The following CNBD1 variants were observed in gnomAD, a reference collection of about 807,000 sequenced individuals.
CNBD1 encodes the protein cyclic nucleotide-binding domain-containing protein 1.
A neutral mutation model predicts 54.4 loss-of-function variants in CNBD1; 71 were observed. That is an observed-to-expected ratio of 1.30 (90% CI 1.08 to 1.59). The LOEUF (loss-of-function observed/expected upper bound fraction) is 1.59. Among genes scored for constraint, CNBD1 ranks in the 40% most tolerant of loss-of-function variants. The pLI, the probability that CNBD1 is intolerant of heterozygous loss-of-function variation, is 0.00. For missense variants in CNBD1, 659 were observed against 518.0 expected, an observed-to-expected ratio of 1.27 and a Z score of -2.64; for synonymous variants, 182 against 170.7, an observed-to-expected ratio of 1.07 and a Z score of -0.51.
intron 4 of CNBD1, among the ~76,000 whole-genome samples, chr8:87,104,999 T>G (rs761973495): frequency 4.6e-5 from 7 of 152,186 alleles, no homozygotes; most frequent in Non-Finnish European, 7.3e-5. Context: ...TTTATATAGT[T>G]TTTTATGTTA....
At chr8:87,305,018 C>T (rs553241590) in intron 8 of CNBD1, among the ~76,000 whole-genome samples, 7 of 152,186 alleles carry the variant, frequency 4.6e-5, no homozygotes, top group African/African-American at 1.4e-4. Flanking sequence ...CCTAAGGATT[C>T]CTCCAGAAAG....
intron 8 of CNBD1, among the ~76,000 whole-genome samples, chr8:87,297,723 T>C (rs1444695708): frequency 4.0e-5 from 6 of 151,154 alleles, no homozygotes. Context: ...GTGTGTGTGA[T>C]TATCTCAAGA....
chr8:87,399,699 A>G (rs1490221165), intron 2 of CNBD1, among the ~76,000 whole-genome samples: 1 of 151,984 alleles, frequency 6.6e-6, no homozygotes, highest in Non-Finnish European at 1.5e-5. Flanking sequence ...GGCATCCCTG[A>G]CCAGTGAACC....
At chr8:87,256,015 A>ATATTTTT (rs1563526157) in intron 6 of CNBD1, among the ~76,000 whole-genome samples, 1 of 15,786 alleles carries the variant, frequency 6.3e-5, no homozygotes, top group African/African-American at 2.8e-4. Context: ...ATATATATAT[A>ATATTTTT]TTTTTTTTTT....
chr8:87,414,563 G>A (rs192088460), intron 2 of CNBD1, among the ~76,000 whole-genome samples: 3 of 151,800 alleles, frequency 2.0e-5, no homozygotes, highest in Admixed American at 1.3e-4. Context: ...GGATATATGT[G>A]GGTGGAAGGT....
At chr8:87,206,873 TCTTG>T (rs1170441442) in intron 5 of CNBD1, among the ~76,000 whole-genome samples, 1 of 152,202 alleles carries the variant, frequency 6.6e-6, no homozygotes. Flanking sequence ...CACAGAGCAT[TCTTG>T]CTTAGAATCG....
chr8:86,900,812 A>G (rs1211600292), intron 2 of CNBD1, among the ~76,000 whole-genome samples: 1 of 152,168 alleles, frequency 6.6e-6, no homozygotes, highest in Non-Finnish European at 1.5e-5. Context: ...TTTATGACTG[A>G]TCAATATCTC....
At chr8:87,248,264 A>T (rs34574993) in intron 6 of CNBD1, among the ~76,000 whole-genome samples, 2,166 of 152,280 alleles carry the variant, frequency 0.014, 29 homozygotes, top group Middle Eastern at 0.044. Flanking sequence ...TATTTCATCA[A>T]TTCATCTGGT....
At chr8:87,285,564 C>A (rs948703943) in intron 7 of CNBD1, among the ~76,000 whole-genome samples, 1 of 152,038 alleles carries the variant, frequency 6.6e-6, no homozygotes, top group Non-Finnish European at 1.5e-5. Flanking sequence ...TGGAGAAACC[C>A]CTTCTCTACT....
chr8:86,915,144 T>G (rs1378714180), intron 3 of CNBD1, among the ~76,000 whole-genome samples: 1 of 152,174 alleles, frequency 6.6e-6, no homozygotes, highest in Non-Finnish European at 1.5e-5. Context: ...TGCTTGCTAC[T>G]GATTGATTGT....
intron 4 of CNBD1, among the ~76,000 whole-genome samples, chr8:87,043,392 G>A (rs545083288): frequency 1.1e-4 from 16 of 152,126 alleles, no homozygotes; most frequent in African/African-American, 3.9e-4. Flanking sequence ...AATAATTTTG[G>A]TTGTATTAAT....
intron 4 of CNBD1, among the ~76,000 whole-genome samples, chr8:87,155,396 A>G (rs561344665): frequency 6.6e-6 from 1 of 152,206 alleles, no homozygotes; most frequent in African/African-American, 2.4e-5. Flanking sequence ...TAAAGGAGGA[A>G]TAAATAGAGT....
At chr8:87,000,259 T>G (rs1808965120) in intron 4 of CNBD1, among the ~76,000 whole-genome samples, 1 of 152,136 alleles carries the variant, frequency 6.6e-6, no homozygotes, top group South Asian at 2.1e-4. Context: ...TAAGGCAATT[T>G]TCCCTGTTCT....
In CNBD1 at chr8:87,330,237, T is replaced by G. The variant is rs1809795260; in HGVS notation, c.1043-21448T>G. Among the ~76,000 whole-genome samples, 2 of 151,486 alleles carry G rather than the reference T, an allele frequency of 1.3e-5. 1 individual carries two copies. Among genetic ancestry groups the G allele is most frequent in the Non-Finnish European group, 2.9e-5 (2 of 67,810 alleles). ...TAATTTGTGTTCCTTCTCTCTTTTT[T>G]TTTTTTTCAGTTAGCCTGGTTAGAG... On this transcript the variant is annotated intron_variant, in intron 8 of 10. Coordinates refer to ENST00000518476, the MANE Select transcript of CNBD1 (RefSeq NM_173538.3).
At chr8:86,989,780 T>A (rs969848094) in intron 4 of CNBD1, among the ~76,000 whole-genome samples, 7 of 152,164 alleles carry the variant, frequency 4.6e-5, no homozygotes, top group African/African-American at 1.4e-4. Context: ...TTCTTTATAG[T>A]GCTTGTACTA....
At chr8:87,018,895 G>T (rs191395065) in intron 4 of CNBD1, among the ~76,000 whole-genome samples, 2 of 152,176 alleles carry the variant, frequency 1.3e-5, no homozygotes, top group East Asian at 1.9e-4. Flanking sequence ...TGCCTAAACC[G>T]CTGGTAAAAC....
At chr8:87,351,236 G>A (rs887740583) in intron 8 of CNBD1, among the ~76,000 whole-genome samples, 1 of 152,176 alleles carries the variant, frequency 6.6e-6, no homozygotes, top group Non-Finnish European at 1.5e-5. Context: ...ACTATAATCA[G>A]TAGAGTGTTA....
intron 4 of CNBD1, among the ~76,000 whole-genome samples, chr8:86,945,276 T>C (rs1052152399): frequency 6.6e-6 from 1 of 152,164 alleles, no homozygotes; most frequent in African/African-American, 2.4e-5. Flanking sequence ...GATTGTTTTT[T>C]CTTCTACTTT....
At chr8:86,935,657 A>G (rs900208214) in intron 3 of CNBD1, among the ~76,000 whole-genome samples, 27 of 152,146 alleles carry the variant, frequency 1.8e-4, no homozygotes, top group African/African-American at 5.8e-4. Flanking sequence ...TTTTTTGCCA[A>G]ATTTATTATA....
Sources: allele counts gnomAD v4.1 joint callset (sites outside exome capture counted in the v4.1 genomes callset), GRCh38; gene constraint gnomAD v4.1.1; transcripts MANE v1.5; gene names NCBI Gene and HGNC (gene_info 2026-07-23, HGNC 2026-07-21).